Variants in UGT8 observed in about 807,000 individuals in gnomAD.
UGT8 encodes 2-hydroxyacylsphingosine 1-beta-galactosyltransferase.
UGT8 carries 12 observed loss-of-function variants against 40.5 expected under a neutral mutation model. That is an observed-to-expected ratio of 0.30 (90% CI 0.19 to 0.48). The LOEUF is 0.48. UGT8 is among the 20% of genes least tolerant of loss of function. The pLI, the probability that UGT8 is intolerant of heterozygous loss-of-function variation, is 0.99. For synonymous variants in UGT8, 224 were observed against 240.4 expected, an observed-to-expected ratio of 0.93 and a Z score of 0.63; for missense variants, 513 against 648.7, an observed-to-expected ratio of 0.79 and a Z score of 2.27.
intron 2 of UGT8, among the ~76,000 whole-genome samples, chr4:114,630,477 C>T (rs550621526): frequency 3.9e-5 from 6 of 152,254 alleles, no homozygotes; most frequent in African/African-American, 1.4e-4. Context: ...TACAGTGAGC[C>T]AAGAGTATGG....
chr4:114,616,070 C>CT lies in UGT8; in HGVS notation c.-2-6808dup, dbSNP rs563910764. ...TCAGGGACCCAGTTGAGGAGGCAGT[C>CT]TGCCCGTTCTCAGATCTCCAGCTGC... On this transcript the variant is annotated intron_variant, in intron 1 of 5. Coordinates refer to ENST00000310836, the MANE Select transcript of UGT8 (RefSeq NM_001128174.3). Among the ~76,000 whole-genome samples the CT allele has an allele frequency of 4.8e-4, 73 of 152,292 alleles. No individual in the cohort carries two copies. In the South Asian group the frequency reaches 0.011, roughly 22 times the overall value.
At chr4:114,613,060 C>G (rs766069523) in intron 1 of UGT8, among the ~76,000 whole-genome samples, 60 of 152,040 alleles carry the variant, frequency 3.9e-4, no homozygotes, top group Non-Finnish European at 7.4e-4. Context: ...CCCCACCTGA[C>G]AGGTGAAGAA....
chr4:114,656,922 G>A, intron 2 of UGT8: 1 of 444,430 alleles, frequency 2.3e-6, no homozygotes, highest in Non-Finnish European at 4.5e-6. Context: ...TTTATTCTTT[G>A]ATATGTCCCA....
chr4:114,660,314 G>T (rs757424617), intron 2 of UGT8, among the ~76,000 whole-genome samples: 7 of 151,750 alleles, frequency 4.6e-5, no homozygotes, highest in Non-Finnish European at 1.5e-5. Flanking sequence ...ATTAAATATC[G>T]ACAGAGTCGA....
intron 2 of UGT8, among the ~76,000 whole-genome samples, chr4:114,652,323 G>C (rs1733936243): frequency 6.6e-6 from 1 of 151,806 alleles, no homozygotes; most frequent in South Asian, 2.1e-4. Flanking sequence ...AAAGGAGGAA[G>C]TAAGAAACAG....
chr4:114,640,364 G>A (rs1008398007), intron 2 of UGT8, among the ~76,000 whole-genome samples: 2 of 152,048 alleles, frequency 1.3e-5, no homozygotes, highest in Non-Finnish European at 2.9e-5. Flanking sequence ...AAGTTTCTCA[G>A]GTTTCTACTT....
intron 2 of UGT8, among the ~76,000 whole-genome samples, chr4:114,641,901 C>T (rs1324520759): frequency 2.0e-5 from 3 of 151,956 alleles, no homozygotes; most frequent in Non-Finnish European, 2.9e-5. Flanking sequence ...TAGCTGTGTA[C>T]TGAAAATAAA....
At chr4:114,639,916 T>C (rs1440519807) in intron 2 of UGT8, among the ~76,000 whole-genome samples, 3 of 152,138 alleles carry the variant, frequency 2.0e-5, no homozygotes, top group African/African-American at 4.8e-5. Flanking sequence ...ATGGATGCCT[T>C]ATTGGGTGCA....
At chr4:114,655,896 C>T (rs560449306) in intron 2 of UGT8, among the ~76,000 whole-genome samples, 13 of 152,084 alleles carry the variant, frequency 8.5e-5, no homozygotes, top group Non-Finnish European at 1.9e-4. Context: ...TTCTTGAACA[C>T]TTACTCAGTG....
chr4:114,635,439 C>G (rs745726245), intron 2 of UGT8, among the ~76,000 whole-genome samples: 5 of 151,918 alleles, frequency 3.3e-5, no homozygotes, highest in Non-Finnish European at 7.4e-5. Flanking sequence ...AATTGAATTA[C>G]CATTTTTATT....
intron 5 of UGT8, among the ~76,000 whole-genome samples, chr4:114,673,773 T>G (rs1735449568): frequency 6.6e-6 from 1 of 152,226 alleles, no homozygotes; most frequent in Non-Finnish European, 1.5e-5. Flanking sequence ...GATACTCCTT[T>G]GCCCCATAAG....
At position 114,623,748 on chromosome 4, in the gene UGT8, T is replaced by C. The variant is rs1732005504; in HGVS notation, c.822+46T>C. ...TGGTAATTCTTTTTTAATGTAAAAGTCAATTTTGATTTTTGGAAGAGATAT... is the reference window on the plus strand; with the variant it reads ...TGGTAATTCTTTTTTAATGTAAAAGCCAATTTTGATTTTTGGAAGAGATAT... On this transcript the variant is annotated intron_variant, in intron 2 of 5. Coordinates refer to ENST00000310836, the MANE Select transcript of UGT8 (RefSeq NM_001128174.3). 3.9e-6 allele frequency: 6 copies of C among 1,534,960 alleles called. No individual in the cohort carries two copies. The African/African-American group carries it at 8.3e-5, about 21-fold the overall frequency.
At chr4:114,670,816 G>A (rs1735219664) in intron 5 of UGT8, among the ~76,000 whole-genome samples, 1 of 152,100 alleles carries the variant, frequency 6.6e-6, no homozygotes, top group South Asian at 2.1e-4. Flanking sequence ...TCTGGCCAGG[G>A]CAGTCAGGCA....
intron 1 of UGT8, among the ~76,000 whole-genome samples, chr4:114,621,309 T>C (rs1731774855): frequency 6.6e-6 from 1 of 152,154 alleles, no homozygotes; most frequent in Non-Finnish European, 1.5e-5. Context: ...ATTAACCCTC[T>C]TGAGCTTTTC....
intron 2 of UGT8, among the ~76,000 whole-genome samples, chr4:114,643,428 A>G (rs1427007983): frequency 6.6e-6 from 1 of 152,144 alleles, no homozygotes; most frequent in African/African-American, 2.4e-5. Context: ...GTGCTTTTCC[A>G]TTTGGTACTG....
intron 2 of UGT8, among the ~76,000 whole-genome samples, chr4:114,649,680 C>G (rs940432497): frequency 1.3e-5 from 2 of 152,074 alleles, no homozygotes; most frequent in African/African-American, 2.4e-5. Context: ...TCCACACTTA[C>G]GTTCAGCTAA....
At chr4:114,663,955 T>G in intron 2 of UGT8, 40 bp from the exon 3 acceptor site, 2 of 1,610,400 alleles carry the variant, frequency 1.2e-6, no homozygotes, top group Non-Finnish European at 1.7e-6. Context: ...ATAAACTACA[T>G]TGGTCTTCGT....
intron 5 of UGT8, among the ~76,000 whole-genome samples, chr4:114,670,430 C>CAA (rs70964319): frequency 0.059 from 3,352 of 56,936 alleles, 695 homozygotes; most frequent in African/African-American, 0.13. Context: ...GACTCTGTCT[C>CAA]AAAAAAAAAA....
intron 2 of UGT8, among the ~76,000 whole-genome samples, chr4:114,630,903 C>G (rs1732529948): frequency 6.6e-6 from 1 of 152,108 alleles, no homozygotes; most frequent in Admixed American, 6.5e-5. Flanking sequence ...GGCTCCACAC[C>G]TATCCATTCT....
Sources: allele counts gnomAD v4.1 joint callset (sites outside exome capture counted in the v4.1 genomes callset), GRCh38; gene constraint gnomAD v4.1.1; transcripts MANE v1.5; gene names NCBI Gene and HGNC (gene_info 2026-07-23, HGNC 2026-07-21).